Variants in MFRP observed in about 807,000 individuals in gnomAD.
MFRP encodes C1q and TNF related 5.
Under a neutral mutation model 65.8 loss-of-function variants are expected in MFRP, and 74 were observed. That is an observed-to-expected ratio of 1.12 (90% CI 0.93 to 1.36). The LOEUF is 1.36. MFRP is among the 40% of genes most tolerant of loss of function. The probability of loss-of-function intolerance (pLI) is 0.00; values close to 1 mark genes in which losing one functional copy is unlikely to be tolerated. For missense variants in MFRP, 838 were observed against 736.0 expected, an observed-to-expected ratio of 1.14 and a Z score of -1.60; for synonymous variants, 336 against 288.3, an observed-to-expected ratio of 1.17 and a Z score of -1.68.
chr11:119,341,762 C>G lies in MFRP; in HGVS notation c.1526G>C (p.Ser509Thr). 1 of 1,613,332 alleles carries G rather than the reference C, an allele frequency of 6.2e-7. No individual in the cohort carries two copies. The highest frequency in any genetic ancestry group is 8.5e-7 in the Non-Finnish European group (1 of 1,180,010). The change falls in exon 13 of 15, where the codon AGC (serine) becomes ACC (threonine). Residue 509 changes from serine (S) to threonine (T), a missense_variant. Transcript: ENST00000619721. ...EVLSGYKSLT[S>T]LPCYQHFRRL... is the part of the protein sequence containing the mutation. ...CCGGAAATGCTGGTAGCAGGGCAGG[C>G]TTGTCAGGCTCTGCGGAGGGAGAGT... is the stretch of plus-strand genomic sequence containing the variant.
rs377600522 is a variant in MFRP at position 119,342,778 on chromosome 11, G to C, written c.1256-51C>G. 5.6e-5 allele frequency: 91 copies of C among 1,613,102 alleles called. No homozygotes were observed. The African/African-American group carries it at 1.0e-3, about 18-fold the overall frequency. On this transcript the variant is annotated intron_variant, in intron 10 of 14. Coordinates refer to ENST00000619721, the MANE Select transcript of MFRP (RefSeq NM_031433.4). ...GCCCGGGGACATACCTACACCCCCA[G>C]TACCCCCAGAGTGTCCTGACCAGGG...
rs190648435 is a variant in MFRP at position 119,344,307 on chromosome 11, G to C, written c.975+8C>G. On this transcript the variant is annotated splice_region_variant and intron_variant, in intron 8 of 14. Coordinates refer to ENST00000619721, the MANE Select transcript of MFRP (RefSeq NM_031433.4). ...CCCCTCCCGTTCTGCATGGAGCACTGTGCTTACCAGTTGGTGAGGGTACTG... is the reference window on the plus strand; with the variant it reads ...CCCCTCCCGTTCTGCATGGAGCACTCTGCTTACCAGTTGGTGAGGGTACTG... 61 of 1,613,650 alleles carry C rather than the reference G, an allele frequency of 3.8e-5. No individual in the cohort carries two copies. In the East Asian group the frequency reaches 9.6e-4, roughly 25 times the overall value.
At position 119,343,974 on chromosome 11, in the gene MFRP, G is replaced by A. The variant is rs2135370768; in HGVS notation, c.976-10C>T. 5 of 1,611,440 alleles carry A rather than the reference G, an allele frequency of 3.1e-6. No individual in the cohort carries two copies. Among genetic ancestry groups the A allele is most frequent in the Non-Finnish European group, 4.2e-6 (5 of 1,179,870 alleles). ...TATGCCAGGTGCAGAGCTGGGGGAG[G>A]GCATAGGTGGAGCAATTCATGGCCC... On this transcript the variant is annotated splice_polypyrimidine_tract_variant and intron_variant, in intron 8 of 14. Coordinates refer to ENST00000619721, the MANE Select transcript of MFRP (RefSeq NM_031433.4).
rs1171882903 is a variant in MFRP at position 119,346,450 on chromosome 11, T to C, written c.54+10A>G. Reference sequence around the variant, plus strand: ...TGGGTCTTAGGAGCACGATTCTATGTGGTCCTTACCTTGCTCGATTCTGTT... The same window carrying C: ...TGGGTCTTAGGAGCACGATTCTATGCGGTCCTTACCTTGCTCGATTCTGTT... On this transcript the variant is annotated intron_variant, in intron 1 of 14. Transcript: ENST00000619721. 3 of 1,614,128 alleles carry C rather than the reference T, an allele frequency of 1.9e-6. No homozygotes were observed. Among genetic ancestry groups the C allele is most frequent in the South Asian group, 1.1e-5 (1 of 91,090 alleles).
At chr11:119,345,394 G>A (rs752141322) in intron 5 of MFRP, 26 bp downstream of exon 5, 2 of 1,601,118 alleles carry the variant, frequency 1.2e-6, no homozygotes, top group Non-Finnish European at 8.6e-7. Flanking sequence ...GACACGGTGG[G>A]ATGTCCTGGG....
Position 119,345,405 on chromosome 11 carries a change from G to GA in MFRP, c.641+14dup, listed in dbSNP as rs1187016587. On this transcript the variant is annotated intron_variant, in intron 5 of 14. Transcript: ENST00000619721. ...TCAGGACACGGTGGGATGTCCTGGG[G>GA]ACAGAGGGACCTACCTGAGGAGGGG... 7 of 1,612,606 alleles carry GA rather than the reference G, an allele frequency of 4.3e-6. No individual in the cohort carries two copies. The African/African-American group carries it at 9.3e-5, about 22-fold the overall frequency.
Position 119,340,183 on chromosome 11 carries a change from C to T in MFRP, c.*1110+1G>A. 6.6e-7 allele frequency: 1 copy of T among 1,514,872 alleles called. No individual in the cohort carries two copies. The highest frequency in any genetic ancestry group is 1.2e-5 in the South Asian group (1 of 80,472). 93.8% of individuals were successfully genotyped at this position (1,514,872 alleles called of 1,614,324 possible). ...CGATAGCCGCGGCGGTGCCTTCTTA[C>T]CCGGCCTCCCGCCCTCGCCTTTCTC... On this transcript the variant is annotated splice_donor_variant, in intron 14 of 14. Coordinates refer to ENST00000619721, the MANE Select transcript of MFRP (RefSeq NM_031433.4). LOFTEE classifies it low-confidence loss of function (3UTR_SPLICE).
rs1272028601 is a variant in MFRP at position 119,340,341 on chromosome 11, C to T, written c.*953G>A. ...AGAGGCTGGGGATCTTGTTGTCGTC[C>T]AGTGGGGGCGAGCCGGCCGCCAGGC... On this transcript the variant is annotated 3_prime_UTR_variant, in exon 14 of 15. Coordinates refer to ENST00000619721, the MANE Select transcript of MFRP (RefSeq NM_031433.4). The T allele has an allele frequency of 2.6e-6, 4 of 1,543,868 alleles. No individual in the cohort carries two copies. The South Asian group carries it at 3.6e-5, about 14-fold the overall frequency.
chr11:119,346,424 C>T (rs1459072679), intron 1 of MFRP, 36 bp downstream of exon 1: 3 of 1,613,700 alleles, frequency 1.9e-6, no homozygotes. Context: ...ACCACTGGTG[C>T]TGGGTCTTAG....
chr11:119,340,555 G>C (rs1332672051), intron 13 of MFRP, 115 bp from the exon 14 acceptor site: 1 of 747,742 alleles, frequency 1.3e-6, no homozygotes, highest in Non-Finnish European at 2.1e-6. Flanking sequence ...GAGGCTGAGC[G>C]CTCGCAGGGC....
At chr11:119,345,696 C>A (rs1950557346) in intron 4 of MFRP, 63 bp from the exon 5 acceptor site, 1 of 1,611,808 alleles carries the variant, frequency 6.2e-7, no homozygotes, top group Non-Finnish European at 8.5e-7. Flanking sequence ...TCTCAAGGTG[C>A]CTCTTCCTCA....
intron 8 of MFRP, 44 bp downstream of exon 8, chr11:119,344,270 CT>C: frequency 6.4e-7 from 1 of 1,565,448 alleles, no homozygotes. Flanking sequence ...GGATCAGGTG[CT>C]TCCGTGTGTG....
chr11:119,344,709 A>G lies in MFRP; in HGVS notation c.821T>C (p.Leu274Pro). The G allele has an allele frequency of 1.1e-5, 17 of 1,614,106 alleles. No individual in the cohort carries two copies. Among genetic ancestry groups the G allele is most frequent in the Non-Finnish European group, 1.4e-5 (17 of 1,180,034 alleles). The change falls in exon 7 of 15, where the codon CTA (leucine) becomes CCA (proline). Residue 274 changes from leucine (L) to proline (P), a missense_variant. Coordinates refer to ENST00000619721, the MANE Select transcript of MFRP (RefSeq NM_031433.4). ...AAAACCATCACACACTGAGTCAGGT[A>G]GCAGGCAGATGAGCTGGTCACAGCG... The part of the protein sequence containing the change: ...EFRCDQLICL[L>P]PDSVCDGFAN...
At chr11:119,344,848 C>G (rs779988237) in intron 6 of MFRP, 26 bp downstream of exon 6, 4 of 1,613,430 alleles carry the variant, frequency 2.5e-6, no homozygotes, top group Admixed American at 3.3e-5. Context: ...AGTGGACACT[C>G]AACAGGCAGG....
intron 9 of MFRP, 72 bp downstream of exon 9, chr11:119,343,744 G>A (rs1238293508): frequency 1.3e-6 from 2 of 1,582,860 alleles, no homozygotes; most frequent in Non-Finnish European, 1.7e-6. Context: ...GAATGTGCTG[G>A]GCCGACATGG....
At position 119,340,378 on chromosome 11, in the gene MFRP, A is replaced by G. The variant is rs1325027178; in HGVS notation, c.*916T>C. The G allele has an allele frequency of 6.5e-7, 1 of 1,545,078 alleles. No homozygotes were observed. Among genetic ancestry groups the G allele is most frequent in the Non-Finnish European group, 8.7e-7 (1 of 1,145,928 alleles). ...GCCGGCCGCCAGGCCCAGGAGCAGC[A>G]GGACGAGGAGTGGCCTCATAGCGCT... On this transcript the variant is annotated 3_prime_UTR_variant, in exon 14 of 15. Coordinates refer to ENST00000619721, the MANE Select transcript of MFRP (RefSeq NM_031433.4).
chr11:119,339,914 C>G lies in MFRP; in HGVS notation c.*1111-66G>C, dbSNP rs1950483048. The G allele has an allele frequency of 3.5e-6, 5 of 1,424,264 alleles. No homozygotes were observed. Among genetic ancestry groups the G allele is most frequent in the Non-Finnish European group, 4.6e-6 (5 of 1,095,622 alleles). The allele number at this position is 1,424,264 out of a possible 1,614,324, so 88.2% of individuals were successfully genotyped here. On this transcript the variant is annotated intron_variant, in intron 14 of 14. Coordinates refer to ENST00000619721, the MANE Select transcript of MFRP (RefSeq NM_031433.4). The surrounding 1 kb of genome is among the most constrained non-coding windows in gnomAD (Gnocchi z 5.4). ...CTCAGCCCGCAGCGGGGCGGCGACT[C>G]TAAGGTCACCGTACCCCTCCCCGCC...
chr11:119,341,700 G>A lies in MFRP; in HGVS notation c.1588C>T (p.Pro530Ser). ...CAAGGGGGCAGAACACTGCCTAGTG[G>A]GGTGCAACGGGGCACAAGCAGCCCA... ...LCGLLVPRCT[P>S]LGSVLPPCRS... The change falls in exon 13 of 15, where the codon CCA becomes TCA. Residue 530 changes from proline (P) to serine (S), a missense_variant. Coordinates refer to ENST00000619721, the MANE Select transcript of MFRP (RefSeq NM_031433.4). 6.2e-7 allele frequency: 1 copy of A among 1,613,154 alleles called. No homozygotes were observed. The highest frequency in any genetic ancestry group is 8.5e-7 in the Non-Finnish European group (1 of 1,180,034).
chr11:119,343,614 A>T (rs1950525940), intron 9 of MFRP, among the ~76,000 whole-genome samples: 1 of 152,020 alleles, frequency 6.6e-6, no homozygotes, highest in South Asian at 2.1e-4. Flanking sequence ...AGGTTTGGGG[A>T]AGGACCTCCT....
Sources: allele counts gnomAD v4.1 joint callset (sites outside exome capture counted in the v4.1 genomes callset), GRCh38; gene constraint gnomAD v4.1.1; non-coding constraint Gnocchi (gnomAD v3.1); transcripts MANE v1.5; gene names NCBI Gene and HGNC (gene_info 2026-07-23, HGNC 2026-07-21).